The following CHRM3 variants were observed in gnomAD, a reference collection of about 807,000 sequenced individuals.
The protein encoded by CHRM3 is cholinergic receptor muscarinic 3.
CHRM3 carries 11 observed loss-of-function variants against 41.8 expected under a neutral mutation model. That is an observed-to-expected ratio of 0.26 (90% CI 0.17 to 0.44). The LOEUF (loss-of-function observed/expected upper bound fraction) is 0.44, where lower values mean the gene tolerates loss of function less well. CHRM3 is among the 20% of genes least tolerant of loss of function. CHRM3 has a pLI of 1.00. For missense variants in CHRM3, 571 were observed against 745.4 expected (o/e 0.77, Z 2.72); for synonymous variants, 297 against 301.4 (o/e 0.99, Z 0.15).
chr1:239,772,540 T>C (rs190094807), intron 5 of CHRM3, among the ~76,000 whole-genome samples: 32 of 152,320 alleles, frequency 2.1e-4, no homozygotes, highest in Admixed American at 7.8e-4. Context: ...TCTCCCCAGA[T>C]CCGACCCTAT....
chr1:239,797,447 C>T (rs1165322924), intron 5 of CHRM3, among the ~76,000 whole-genome samples: 2 of 151,008 alleles, frequency 1.3e-5, no homozygotes, highest in African/African-American at 4.9e-5. Flanking sequence ...CTGAAATGCT[C>T]CAAGGTATTG....
At chr1:239,468,260 C>G (rs569625114) in intron 1 of CHRM3, among the ~76,000 whole-genome samples, 1 of 152,102 alleles carries the variant, frequency 6.6e-6, no homozygotes, top group Non-Finnish European at 1.5e-5. Flanking sequence ...TAAGATATAT[C>G]AAGCTATAAG....
rs573409499 is a variant in CHRM3 at position 239,769,177 on chromosome 1, C to T, written c.-146-58075C>T. On this transcript the variant is annotated intron_variant, in intron 5 of 6. Coordinates refer to ENST00000676153, the MANE Select transcript of CHRM3 (RefSeq NM_001375978.1). The stretch of plus-strand genomic sequence containing the variant: ...AGGGAAAGTGGCAGGGATATTGACA[C>T]TTGCCTTTCCCTCCCAGGATGGGGT... Among the ~76,000 whole-genome samples the T allele has an allele frequency of 1.4e-4, 22 of 152,236 alleles. No individual in the cohort carries two copies. The South Asian group carries it at 4.4e-3, about 30-fold the overall frequency.
intron 6 of CHRM3, chr1:239,886,070 A>C (rs931244811): frequency 2.6e-5 from 4 of 152,238 alleles, no homozygotes; most frequent in African/African-American, 9.6e-5. Context: ...TTTCTTATAA[A>C]TGTGCTTTTA....
chr1:239,566,116 A>T (rs1016435022), intron 3 of CHRM3, among the ~76,000 whole-genome samples: 1 of 151,540 alleles, frequency 6.6e-6, no homozygotes, highest in Non-Finnish European at 1.5e-5. Flanking sequence ...GGCTTGCTAT[A>T]CTGCCCAGGC....
At position 239,639,019 on chromosome 1, in the gene CHRM3, G is replaced by A. The variant is rs563264202; in HGVS notation, c.-250+6733G>A. Among the ~76,000 whole-genome samples the A allele has an allele frequency of 1.6e-4, 24 of 152,104 alleles. No homozygotes were observed. In the South Asian group the frequency reaches 4.4e-3, roughly 28 times the overall value. On this transcript the variant is annotated intron_variant, in intron 4 of 6. Transcript: ENST00000676153. ...TTCCCAGCACCATTTATTAAATAGG[G>A]AATCCTTTCCCCATTGCTTGTTTTT... is the stretch of plus-strand genomic sequence containing the variant.
At chr1:239,831,187 G>A (rs1672870432) in intron 6 of CHRM3, among the ~76,000 whole-genome samples, 1 of 152,130 alleles carries the variant, frequency 6.6e-6, no homozygotes, top group African/African-American at 2.4e-5. Context: ...CCAGTCAGGA[G>A]ACGCTGACTC....
At chr1:239,544,682 T>A (rs902032753) in intron 2 of CHRM3, among the ~76,000 whole-genome samples, 1 of 152,244 alleles carries the variant, frequency 6.6e-6, no homozygotes, top group African/African-American at 2.4e-5. Context: ...ATCACGTATT[T>A]GTATGTGCCA....
chr1:239,599,548 G>A (rs1187128652), intron 3 of CHRM3, among the ~76,000 whole-genome samples: 1 of 150,406 alleles, frequency 6.6e-6, no homozygotes, highest in African/African-American at 2.5e-5. Context: ...TCCCACTGAA[G>A]GAGTGCAAGA....
intron 6 of CHRM3, among the ~76,000 whole-genome samples, chr1:239,827,590 T>C (rs768869487): frequency 1.3e-5 from 2 of 152,158 alleles, no homozygotes; most frequent in Non-Finnish European, 2.9e-5. Flanking sequence ...TTAAATGACA[T>C]AGGGTGGGTA....
At chr1:239,436,809 T>C (rs1663308709) in intron 1 of CHRM3, among the ~76,000 whole-genome samples, 1 of 152,102 alleles carries the variant, frequency 6.6e-6, no homozygotes, top group South Asian at 2.1e-4. Flanking sequence ...TTTCTACTTG[T>C]TCTTTTCCCC....
intron 2 of CHRM3, among the ~76,000 whole-genome samples, chr1:239,531,093 G>C (rs1405372699): frequency 6.6e-6 from 1 of 152,094 alleles, no homozygotes; most frequent in East Asian, 1.9e-4. Context: ...ATGTTTATTA[G>C]AGATTGTTAT....
intron 4 of CHRM3, among the ~76,000 whole-genome samples, chr1:239,634,101 T>C (rs2148883466): frequency 6.6e-6 from 1 of 152,316 alleles, no homozygotes; most frequent in South Asian, 2.1e-4. Flanking sequence ...AGATTCGAAC[T>C]TGGACCTGTC....
rs960390104 is a variant in CHRM3, at chr1:239,748,720, C to T, written c.-147+70432C>T. ...GGATGGATTTAATTCACTTGATAAACATAGTTAACCCTTAAATACCAACTT... is the reference window on the plus strand; with the variant it reads ...GGATGGATTTAATTCACTTGATAAATATAGTTAACCCTTAAATACCAACTT... On this transcript the variant is annotated intron_variant, in intron 5 of 6. Transcript: ENST00000676153. This position sits in a 1 kb window ranked among gnomAD's most constrained non-coding sequence, Gnocchi z 4.3. 2.6e-5 allele frequency among the ~76,000 whole-genome samples: 4 copies of T among 152,198 alleles called. No individual in the cohort carries two copies. The highest frequency in any genetic ancestry group is 1.3e-4 in the Admixed American group (2 of 15,282).
intron 1 of CHRM3, among the ~76,000 whole-genome samples, chr1:239,446,083 T>C (rs181189489): frequency 9.2e-4 from 140 of 152,106 alleles, no homozygotes; most frequent in African/African-American, 3.0e-3. Context: ...ACTACAGGTG[T>C]GCACCACCAC....
chr1:239,794,923 C>T (rs983727928), intron 5 of CHRM3, among the ~76,000 whole-genome samples: 5 of 152,118 alleles, frequency 3.3e-5, no homozygotes, highest in South Asian at 2.1e-4. Flanking sequence ...AGTTTGATAT[C>T]GTATCTCTGT....
At chr1:239,542,402 A>G (rs893935948) in intron 2 of CHRM3, among the ~76,000 whole-genome samples, 10 of 152,176 alleles carry the variant, frequency 6.6e-5, no homozygotes, top group Non-Finnish European at 1.2e-4. Context: ...GGAGCGTAGG[A>G]GAGAACTGAA....
chr1:239,751,849 A>G (rs139020997), intron 5 of CHRM3, among the ~76,000 whole-genome samples: 299 of 152,340 alleles, frequency 2.0e-3, no homozygotes, highest in African/African-American at 6.7e-3. Context: ...TATAATACAA[A>G]CTAAGCATTT....
rs1447744122 is a variant in CHRM3 at position 239,911,272 on chromosome 1, G to T, written c.*2048G>T. 1 of 166,602 alleles carries T rather than the reference G, an allele frequency of 6.0e-6. No homozygotes were observed. The highest frequency in any genetic ancestry group is 1.9e-4 in the East Asian group (1 of 5,178). The allele number at this position is 166,602 out of a possible 1,614,324, so 10.3% of individuals were successfully genotyped here. ...ACACAGGGAAAAAAAAAAACAATCAGCATAATTGTAAGAATGATTTTTTTG... is the reference window on the plus strand; with the variant it reads ...ACACAGGGAAAAAAAAAAACAATCATCATAATTGTAAGAATGATTTTTTTG... On this transcript the variant is annotated 3_prime_UTR_variant, in exon 7 of 7. Coordinates refer to ENST00000676153, the MANE Select transcript of CHRM3 (RefSeq NM_001375978.1).
Sources: gnomAD v4.1 joint callset for allele counts (sites outside exome capture counted in the v4.1 genomes callset) on GRCh38, gnomAD v4.1.1 for gene constraint, Gnocchi (gnomAD v3.1) non-coding constraint, MANE v1.5 for transcripts, NCBI Gene and HGNC (gene_info 2026-07-23, HGNC 2026-07-21) for gene names.